Variants in IFRD1 observed in about 807,000 individuals in gnomAD.
The protein encoded by IFRD1 is interferon related developmental regulator 1.
In IFRD1, 35 loss-of-function variants were observed where a neutral mutation model predicts 52.9. The observed-to-expected ratio is 0.66, with a 90% CI of 0.51 to 0.88. The LOEUF is 0.88. IFRD1 is among the 40% of genes least tolerant of loss of function. IFRD1 has a pLI of 0.00. For synonymous variants in IFRD1, 184 were observed against 188.4 expected (o/e 0.98, Z 0.19); for missense variants, 517 against 550.8 (o/e 0.94, Z 0.61).
At chr7:112,435,655 T>TGTGTGTGTGTGTGTGTGTGTGTGTGTGC (rs775779479) in intron 1 of IFRD1, 14 of 149,138 alleles carry the variant, frequency 9.4e-5, no homozygotes, top group Non-Finnish European at 1.5e-4. Context: ...TGTGTGTGTG[T>TGTGTGTGTGTGTGTGTGTGTGTGTGTGC]GCGTGCTTGT....
At chr7:112,458,046 A>G (rs768108531) in intron 4 of IFRD1, 2 of 152,206 alleles carry the variant, frequency 1.3e-5, no homozygotes, top group African/African-American at 4.8e-5. Context: ...AGCAGACCCA[A>G]CTTTTTAAAG....
upstream of IFRD1, among the ~76,000 whole-genome samples, chr7:112,449,671 T>A (rs998316592): frequency 2.0e-5 from 3 of 152,230 alleles, no homozygotes; most frequent in African/African-American, 7.2e-5. Flanking sequence ...GTGTTTGTTT[T>A]ACCAGCTGTG....
intron 5 of IFRD1, chr7:112,461,433 G>A (rs1231721808): frequency 6.5e-6 from 1 of 154,590 alleles, no homozygotes; most frequent in Non-Finnish European, 1.4e-5. Context: ...TAATGATCTA[G>A]TAAGCACCTG....
At chr7:112,456,113 G>C in intron 3 of IFRD1, 27 bp downstream of exon 3, 2 of 1,241,386 alleles carry the variant, frequency 1.6e-6, no homozygotes, top group Non-Finnish European at 2.4e-6. Context: ...ACTCCATTCT[G>C]TGTGAGTCTA....
rs777817555 is a variant in IFRD1 at position 112,474,810 on chromosome 7, A to G, written c.1267-620A>G. ...TTCTAATTGACAGCCAAGTAGGACT[A>G]TTTTCTGCATTAGTCATGATTTGTC... On this transcript the variant is annotated intron_variant, in intron 11 of 11. Coordinates refer to ENST00000403825, the MANE Select transcript of IFRD1 (RefSeq NM_001550.4). 1.3e-4 allele frequency among the ~76,000 whole-genome samples: 20 copies of G among 151,708 alleles called. 1 individual carries two copies. Among genetic ancestry groups the G allele is most frequent in the Admixed American group, 1.3e-4 (2 of 15,198 alleles).
chr7:112,462,377 G>A lies in IFRD1; in HGVS notation c.905G>A (p.Ser302Asn), dbSNP rs1356602413. ...LLFELARGIESDFFYEDMESL... is the reference protein window; with the variant it reads ...LLFELARGIENDFFYEDMESL... Reference sequence around the variant, plus strand: ...TTTGAATTGGCCAGAGGAATAGAGAGTGTAAGTATCTAACTGGCAGAGGAA... The same window carrying A: ...TTTGAATTGGCCAGAGGAATAGAGAATGTAAGTATCTAACTGGCAGAGGAA... Residue 302 changes from serine (S) to asparagine (N), a missense_variant and splice_region_variant, in exon 8 of 12, where the codon AGT becomes AAT. Transcript: ENST00000403825. 1 of 1,570,702 alleles carries A rather than the reference G, an allele frequency of 6.4e-7. No homozygotes were observed. The highest frequency in any genetic ancestry group is 8.8e-7 in the Non-Finnish European group (1 of 1,140,626).
chr7:112,465,411 A>T (rs1795583410), intron 8 of IFRD1, among the ~76,000 whole-genome samples: 1 of 152,108 alleles, frequency 6.6e-6, no homozygotes, highest in Admixed American at 6.5e-5. Flanking sequence ...TTTCATCCTA[A>T]TTCCATTCAA....
At chr7:112,442,648 C>T (rs1460224870) in intron 1 of IFRD1, among the ~76,000 whole-genome samples, 1 of 152,196 alleles carries the variant, frequency 6.6e-6, no homozygotes, top group Non-Finnish European at 1.5e-5. Flanking sequence ...AAGCAAGAGT[C>T]ACCTCCAAAT....
At chr7:112,439,632 G>A (rs919360274) in intron 1 of IFRD1, among the ~76,000 whole-genome samples, 18 of 152,072 alleles carry the variant, frequency 1.2e-4, no homozygotes, top group African/African-American at 4.3e-4. Flanking sequence ...TTGCCTTTAT[G>A]CTCACAAATG....
chr7:112,433,239 A>C (rs1407723158), intron 1 of IFRD1, among the ~76,000 whole-genome samples: 2 of 152,128 alleles, frequency 1.3e-5, no homozygotes, highest in African/African-American at 2.4e-5. Flanking sequence ...TCTCCCCAAA[A>C]ACTCAGGGAT....
Position 112,459,072 on chromosome 7 carries a change from T to C in IFRD1, c.567+54T>C, listed in dbSNP as rs547505236. The C allele has an allele frequency of 7.1e-5, 102 of 1,433,746 alleles. No homozygotes were observed. In the African/African-American group the frequency reaches 1.4e-3, roughly 19 times the overall value. The allele number at this position is 1,433,746 out of a possible 1,614,324, so 88.8% of individuals were successfully genotyped here. A position where few individuals can be genotyped will look rare whatever the true frequency, so the allele number is the denominator to read the frequency against. Reference sequence around the variant, plus strand: ...TCTGTCTATTCATGACACCCAGACGTGGTGCGCCTATAGTACTGTACCAGC... The same window carrying C: ...TCTGTCTATTCATGACACCCAGACGCGGTGCGCCTATAGTACTGTACCAGC... On this transcript the variant is annotated intron_variant, in intron 5 of 11. Transcript: ENST00000403825.
chr7:112,445,127 C>T (rs1476899184), intron 1 of IFRD1, among the ~76,000 whole-genome samples: 3 of 139,406 alleles, frequency 2.2e-5, no homozygotes, highest in Non-Finnish European at 4.5e-5. Context: ...AGTGCAGTGG[C>T]GCAATCTCGG....
chr7:112,438,770 G>A (rs1215974830), intron 1 of IFRD1, among the ~76,000 whole-genome samples: 1 of 152,166 alleles, frequency 6.6e-6, no homozygotes, highest in Non-Finnish European at 1.5e-5. Context: ...TGTGGGTGGA[G>A]TCTGTTTTAT....
intron 1 of IFRD1, among the ~76,000 whole-genome samples, chr7:112,427,529 T>C (rs1191147796): frequency 6.6e-6 from 1 of 152,218 alleles, no homozygotes; most frequent in Admixed American, 6.5e-5. Context: ...CCTAATAAAC[T>C]CCTTTCTTTC....
chr7:112,472,055 C>T (rs1199923948), intron 9 of IFRD1, among the ~76,000 whole-genome samples, 164 bp from the exon 10 acceptor site: 2 of 152,180 alleles, frequency 1.3e-5, no homozygotes, highest in Non-Finnish European at 2.9e-5. Context: ...CCCTTACATA[C>T]AGGATAGCAA....
chr7:112,432,228 T>C (rs1267759607), intron 1 of IFRD1, among the ~76,000 whole-genome samples: 1 of 152,146 alleles, frequency 6.6e-6, no homozygotes, highest in Non-Finnish European at 1.5e-5. Context: ...TGGTACAGAG[T>C]GTACAGTTTT....
In IFRD1 at chr7:112,462,303, T is replaced by C. The variant is rs758553704; in HGVS notation, c.831T>C (p.Cys277=). Residue 277 remains cysteine, a synonymous_variant, in exon 8 of 12, where the codon TGT becomes TGC. Coordinates refer to ENST00000403825, the MANE Select transcript of IFRD1 (RefSeq NM_001550.4). The stretch of plus-strand genomic sequence containing the variant: ...ATAAGCTTCCAAGCCTCCTCTCTTG[T>C]GATGATGTAAACATGAGAATAGCTG... ...HFHKLPSLLS[C]DDVNMRIAAG... 8 of 1,613,828 alleles carry C rather than the reference T, an allele frequency of 5.0e-6. No individual in the cohort carries two copies. In the South Asian group the frequency reaches 7.7e-5, roughly 16 times the overall value.
At chr7:112,445,135 C>T (rs370149604) in intron 1 of IFRD1, among the ~76,000 whole-genome samples, 22 of 144,182 alleles carry the variant, frequency 1.5e-4, no homozygotes, top group East Asian at 4.0e-4. Flanking sequence ...GGCGCAATCT[C>T]GGCTCACTGC....
At chr7:112,435,621 G>GAGGTGTGTGTGT (rs1554503433) in intron 1 of IFRD1, 1 of 108,840 alleles carries the variant, frequency 9.2e-6, no homozygotes, top group Non-Finnish European at 1.9e-5. Flanking sequence ...ATCTGCTACA[G>GAGGTGTGTGTGT]GTGTGTGTGT....
Sources: allele counts gnomAD v4.1 joint callset (sites outside exome capture counted in the v4.1 genomes callset), GRCh38; gene constraint gnomAD v4.1.1; transcripts MANE v1.5; gene names NCBI Gene and HGNC (gene_info 2026-07-23, HGNC 2026-07-21).